PPP2R3B: variants seen among roughly 807,000 people sequenced by gnomAD.
PPP2R3B encodes the protein protein phosphatase 2 regulatory subunit B''beta.
A neutral mutation model predicts 72.9 loss-of-function variants in PPP2R3B; 68 were observed. That is an observed-to-expected ratio of 0.93 (90% CI 0.77 to 1.14). The LOEUF is 1.14. Among genes scored for constraint, PPP2R3B ranks in the 50% most tolerant of loss-of-function variants. The pLI, the probability that PPP2R3B is intolerant of heterozygous loss-of-function variation, is 0.00. For missense variants in PPP2R3B, 1,018 were observed against 842.0 expected (o/e 1.21, Z -2.59); for synonymous variants, 466 against 375.8 (o/e 1.24, Z -2.78).
At chrX:342,006 C>G in intron 7 of PPP2R3B, 75 bp from the exon 8 acceptor site, 1 of 1,578,322 alleles carries the variant, frequency 6.3e-7, no homozygotes, top group Non-Finnish European at 8.7e-7. Context: ...GGAGCCGAGA[C>G]TGGATGCGGT....
chrX:338,325 C>T (rs971805723), intron 12 of PPP2R3B: 21 of 577,176 alleles, frequency 3.6e-5, no homozygotes, highest in East Asian at 1.2e-4. Flanking sequence ...TCGGCCTCCC[C>T]GTGCTGGGCC....
In PPP2R3B at chrX:334,516, A is replaced by T; in HGVS notation, c.1579T>A (p.Phe527Ile). Residue 527 changes from phenylalanine to isoleucine, a missense_variant and splice_region_variant, in exon 13 of 13, where the codon TTC (phenylalanine) becomes ATC (isoleucine). By Grantham distance (21) the Phe-to-Ile change is conservative (BLOSUM62 0). Transcript: ENST00000390665. ...TCCACAGGGCTGAGCTCGGCCTCGA[A>T]CCTGCAACGAGGGGATGGCGAAGAC... ...ETAGEPWEDG[F>I]EAELSPVEQK... 3.2e-6 allele frequency: 5 copies of T among 1,538,930 alleles called. No homozygotes were observed. Among genetic ancestry groups the T allele is most frequent in the Non-Finnish European group, 4.3e-6 (5 of 1,150,038 alleles).
At chrX:373,647 C>T (rs868848180) in intron 1 of PPP2R3B, 4 of 275,132 alleles carry the variant, frequency 1.5e-5, no homozygotes, top group South Asian at 3.0e-5. Flanking sequence ...CGAGCGCTCG[C>T]GGAGTCGCAT....
intron 2 of PPP2R3B, among the ~76,000 whole-genome samples, chrX:351,433 G>A (rs750890417): frequency 2.6e-5 from 4 of 152,310 alleles, no homozygotes; most frequent in South Asian, 2.1e-4. Flanking sequence ...GTCATGACCC[G>A]GTGGCAGGGA....
intron 2 of PPP2R3B, among the ~76,000 whole-genome samples, chrX:350,315 C>G (rs191830634): frequency 1.3e-5 from 2 of 152,188 alleles, no homozygotes; most frequent in African/African-American, 2.4e-5. Context: ...GGACGCTGCA[C>G]GGCTCTGCCG....
chrX:358,786 GC>G (rs1297346871), intron 2 of PPP2R3B, among the ~76,000 whole-genome samples: 26 of 151,694 alleles, frequency 1.7e-4, no homozygotes, highest in Admixed American at 1.3e-3. Context: ...GGGAAGCACC[GC>G]GGAGGGGGGG....
At chrX:364,391 C>T (rs977769671) in intron 1 of PPP2R3B, among the ~76,000 whole-genome samples, 50 of 151,676 alleles carry the variant, frequency 3.3e-4, no homozygotes, top group African/African-American at 8.0e-4. Flanking sequence ...ACCCTCAAAC[C>T]GGCCGGGCTC....
intron 1 of PPP2R3B, among the ~76,000 whole-genome samples, chrX:363,620 C>CT (rs1569404152): frequency 9.2e-4 from 49 of 53,354 alleles, no homozygotes; most frequent in South Asian, 2.4e-3. Flanking sequence ...CACAATGCAT[C>CT]TCCCCGAGCC....
intron 5 of PPP2R3B, 92 bp downstream of exon 5, chrX:346,603 GGGCCCC>G: frequency 8.3e-7 from 1 of 1,210,480 alleles, no homozygotes; most frequent in Non-Finnish European, 1.2e-6. Flanking sequence ...CAGGAACCCC[GGGCCCC>G]GCCCGCCCCG....
chrX:384,401 T>A (rs1376589579), intron 1 of PPP2R3B, among the ~76,000 whole-genome samples: 3 of 151,334 alleles, frequency 2.0e-5, no homozygotes, highest in Non-Finnish European at 4.4e-5. Context: ...GCTTCAAGCA[T>A]TTCTCCTGCC....
At chrX:360,972 A>G (rs1190970256) in intron 2 of PPP2R3B, among the ~76,000 whole-genome samples, 1 of 147,784 alleles carries the variant, frequency 6.8e-6, no homozygotes, top group Non-Finnish European at 1.5e-5. Flanking sequence ...TGCTGCCAGG[A>G]GACGGGTCCA....
intron 1 of PPP2R3B, among the ~76,000 whole-genome samples, chrX:385,860 C>T (rs1169586637): frequency 6.6e-6 from 1 of 152,128 alleles, no homozygotes; most frequent in Non-Finnish European, 1.5e-5. Context: ...GCGGGAGGAT[C>T]ACTTGAGGTC....
In PPP2R3B at chrX:347,647, G is replaced by T; in HGVS notation, c.557C>A (p.Ala186Asp). Residue 186 changes from alanine to aspartate, a missense_variant, in exon 3 of 13, where the codon GCC becomes GAC. By Grantham distance (126) the Ala-to-Asp change is moderately radical (BLOSUM62 -2). Transcript: ENST00000390665. Reference protein sequence around the residue: ...LYWKGPLFYGAGGERTGSVSV... With the variant: ...LYWKGPLFYGDGGERTGSVSV... ...CACGGAGCCCGTGCGCTCCCCGCCG[G>T]CGCCATAGAAGAGCGGCCCCTTCCA... 1 of 1,573,434 alleles carries T rather than the reference G, an allele frequency of 6.4e-7. No individual in the cohort carries two copies. The highest frequency in any genetic ancestry group is 8.6e-7 in the Non-Finnish European group (1 of 1,160,022).
chrX:340,439 C>A (rs1284610413), intron 10 of PPP2R3B, among the ~76,000 whole-genome samples: 2 of 150,998 alleles, frequency 1.3e-5, no homozygotes, highest in African/African-American at 4.9e-5. Flanking sequence ...CGTCCCCTCA[C>A]CCTGGTCCGT....
chrX:340,547 GCCGTCCCCCCTCCCGT>G (rs1338896655), intron 10 of PPP2R3B, among the ~76,000 whole-genome samples: 1 of 109,952 alleles, frequency 9.1e-6, no homozygotes, highest in African/African-American at 4.2e-5. Context: ...CTCACCCTGG[GCCGTCCCCCCTCCCGT>G]CCGTCCCCTC....
In PPP2R3B at chrX:350,802, C is replaced by T. The variant is rs1204240332; in HGVS notation, c.511-3109G>A. Among the ~76,000 whole-genome samples, 12 of 152,318 alleles carry T rather than the reference C, an allele frequency of 7.9e-5. No individual in the cohort carries two copies. In the South Asian group the frequency reaches 1.9e-3, roughly 24 times the overall value. On this transcript the variant is annotated intron_variant, in intron 2 of 12. Transcript: ENST00000390665. ...GAAAGCGGCCCACGGGGCGGCTGAG[C>T]GTAAAGCCCCGTGGCCCGGCCAGGA...
At chrX:367,820 G>A (rs2071755616) in intron 1 of PPP2R3B, among the ~76,000 whole-genome samples, 1 of 152,200 alleles carries the variant, frequency 6.6e-6, no homozygotes, top group Admixed American at 6.5e-5. Context: ...GGAGATATAT[G>A]TGACTTAAGG....
intron 1 of PPP2R3B, among the ~76,000 whole-genome samples, chrX:363,491 TCCCACAATGCATCTCCCC>T (rs2071597695): frequency 7.0e-6 from 1 of 142,290 alleles, no homozygotes; most frequent in Non-Finnish European, 1.5e-5. Flanking sequence ...GAGCCCAGCA[TCCCACAATGCATCTCCCC>T]GAGCCCGCGA....
intron 6 of PPP2R3B, 136 bp from the exon 7 acceptor site, chrX:345,808 C>A (rs778712607): frequency 2.4e-5 from 3 of 126,190 alleles, no homozygotes; most frequent in Non-Finnish European, 4.1e-5. Context: ...CAGCTGGGGC[C>A]GGGGGGCACT....
Sources: gnomAD v4.1 joint callset for allele counts (sites outside exome capture counted in the v4.1 genomes callset) on GRCh38, gnomAD v4.1.1 for gene constraint, MANE v1.5 for transcripts, NCBI Gene and HGNC (gene_info 2026-07-23, HGNC 2026-07-21) for gene names.